ROBO1: variants seen among roughly 807,000 people sequenced by gnomAD.
ROBO1 encodes the protein roundabout homolog 1.
In ROBO1, 149 loss-of-function variants were observed where a neutral mutation model predicts 195.9. The ratio of observed to expected loss-of-function variants is 0.76; its 90% CI spans 0.67 to 0.87. The LOEUF is 0.87. ROBO1 is among the 40% of genes least tolerant of loss of function. The probability of loss-of-function intolerance (pLI) is 0.00; values close to 1 mark genes in which losing one functional copy is unlikely to be tolerated. For missense variants in ROBO1, 1,933 were observed against 2,068.3 expected (o/e 0.93, Z 1.27); for synonymous variants, 816 against 733.2 (o/e 1.11, Z -1.82).
rs2034746813 is a variant in ROBO1 at position 79,338,018 on chromosome 3, A to C, written c.89-212479T>G. Among the ~76,000 whole-genome samples the C allele has an allele frequency of 4.6e-5, 7 of 152,336 alleles. No individual in the cohort carries two copies. The South Asian group carries it at 1.4e-3, about 32-fold the overall frequency. ...TGCCAAATCAGCAAAACCTACAATA[A>C]AAATTTCATTGTAAACTATATATAA... is the stretch of plus-strand genomic sequence containing the variant. On this transcript the variant is annotated intron_variant, in intron 2 of 30. Coordinates refer to ENST00000464233, the MANE Select transcript of ROBO1 (RefSeq NM_002941.4).
At chr3:78,907,568 T>G (rs1472234614) in intron 4 of ROBO1, among the ~76,000 whole-genome samples, 2 of 152,120 alleles carry the variant, frequency 1.3e-5, no homozygotes, top group East Asian at 3.9e-4. Context: ...CTACCAACTA[T>G]ATGTGGTAGT....
intron 2 of ROBO1, among the ~76,000 whole-genome samples, chr3:79,561,123 T>G (rs1009522404): frequency 4.6e-5 from 7 of 152,170 alleles, no homozygotes; most frequent in Non-Finnish European, 8.8e-5. Flanking sequence ...TGACCTTCTT[T>G]CCATCCATTC....
In ROBO1 at chr3:79,550,195, G is replaced by GAAAGAAAGAAAGAAAGAAAGAAAGGAAA; in HGVS notation, c.88+39628_88+39629insTTTCCTTTCTTTCTTTCTTTCTTTCTTT. On this transcript the variant is annotated intron_variant, in intron 2 of 30. Coordinates refer to ENST00000464233, the MANE Select transcript of ROBO1 (RefSeq NM_002941.4). ...AGAAAGAAAGAAAGAAAGAAAGAAA[G>GAAAGAAAGAAAGAAAGAAAGAAAGGAAA]GAAAAGAAAAGAAAAGAAAAGAAAA... Among the ~76,000 whole-genome samples, 78 of 100,838 alleles carry GAAAGAAAGAAAGAAAGAAAGAAAGGAAA rather than the reference G, an allele frequency of 7.7e-4. 3 individuals are homozygous for GAAAGAAAGAAAGAAAGAAAGAAAGGAAA. Among genetic ancestry groups the GAAAGAAAGAAAGAAAGAAAGAAAGGAAA allele is most frequent in the Middle Eastern group, 5.0e-3 (1 of 200 alleles). The allele number at this position is 100,838 out of a possible 152,430, so 66.2% of individuals were successfully genotyped here. A position where few individuals can be genotyped will look rare whatever the true frequency, so the allele number is the denominator to read the frequency against.
chr3:79,355,175 C>CAAAA (rs888731398), intron 2 of ROBO1, among the ~76,000 whole-genome samples: 1 of 151,300 alleles, frequency 6.6e-6, no homozygotes, highest in Non-Finnish European at 1.5e-5. Context: ...CAAAAACAAA[C>CAAAA]AAACAAACAA....
chr3:79,389,572 CAG>C (rs921974855), intron 2 of ROBO1, among the ~76,000 whole-genome samples: 2 of 152,074 alleles, frequency 1.3e-5, no homozygotes, highest in African/African-American at 4.8e-5. Context: ...GAGAACAAAA[CAG>C]AGTTTTGCTA....
Position 78,598,703 on chromosome 3 carries a change from A to C in ROBO1, c.*210T>G, listed in dbSNP as rs1420033491. The C allele has an allele frequency of 1.5e-5, 6 of 389,478 alleles. No homozygotes were observed. The highest frequency in any genetic ancestry group is 1.5e-4 in the East Asian group (4 of 26,100). The allele number at this position is 389,478 out of a possible 1,614,324, so 24.1% of individuals were successfully genotyped here. On this transcript the variant is annotated 3_prime_UTR_variant, in exon 31 of 31. Coordinates refer to ENST00000464233, the MANE Select transcript of ROBO1 (RefSeq NM_002941.4). ...ATGGTTTGCTCCAACAGCGAGGGGAATAGGAAGGCTCTTTGTAGGGTTAGG... is the reference window on the plus strand; with the variant it reads ...ATGGTTTGCTCCAACAGCGAGGGGACTAGGAAGGCTCTTTGTAGGGTTAGG...
At chr3:79,056,030 T>C (rs1489894265) in intron 3 of ROBO1, among the ~76,000 whole-genome samples, 1 of 152,150 alleles carries the variant, frequency 6.6e-6, no homozygotes, top group Non-Finnish European at 1.5e-5. Flanking sequence ...GGGCCATTAA[T>C]GCAGTAATTA....
At chr3:78,936,831 C>T in intron 4 of ROBO1, among the ~76,000 whole-genome samples, 1 of 151,966 alleles carries the variant, frequency 6.6e-6, no homozygotes, top group East Asian at 1.9e-4. Context: ...ACTTATTTTG[C>T]ATGGGCTACA....
intron 2 of ROBO1, among the ~76,000 whole-genome samples, chr3:79,133,972 C>T (rs913341571): frequency 5.9e-5 from 9 of 151,870 alleles, no homozygotes; most frequent in African/African-American, 1.2e-4. Flanking sequence ...AGGACATAGG[C>T]GTGGGCAAGG....
chr3:78,717,832 T>C lies in ROBO1; in HGVS notation c.709A>G (p.Lys237Glu), dbSNP rs1453099666. The C allele has an allele frequency of 5.0e-6, 8 of 1,613,644 alleles. No homozygotes were observed. The highest frequency in any genetic ancestry group is 1.3e-5 in the African/African-American group (1 of 74,914). ...ATATTGGTACCAACACAAACATATT[T>C]GCCAGCGTCACTTTTACGGGTGTAA... ...ITYTRKSDAG[K>E]YVCVGTNMVG... is the part of the protein sequence containing the mutation. Residue 237 changes from lysine (K) to glutamate (E), a missense_variant, in exon 6 of 31, where the codon AAA (lysine) becomes GAA (glutamate). Coordinates refer to ENST00000464233, the MANE Select transcript of ROBO1 (RefSeq NM_002941.4).
intron 2 of ROBO1, among the ~76,000 whole-genome samples, chr3:79,488,958 T>A (rs1939303067): frequency 6.6e-6 from 1 of 152,130 alleles, no homozygotes; most frequent in Non-Finnish European, 1.5e-5. Flanking sequence ...AAGTCAGAAC[T>A]GATTCTCCCC....
chr3:78,810,634 T>C (rs921253247), intron 4 of ROBO1, among the ~76,000 whole-genome samples: 2 of 152,040 alleles, frequency 1.3e-5, no homozygotes, highest in Middle Eastern at 3.2e-3. Context: ...TTGATGTACA[T>C]TGTTGGTAAA....
chr3:79,018,588 A>G (rs2078016871), intron 3 of ROBO1: 9 of 1,498,862 alleles, frequency 6.0e-6, no homozygotes, highest in African/African-American at 2.8e-5. Flanking sequence ...CAATTAGCCA[A>G]GAGTTTTCAG....
At position 79,467,340 on chromosome 3, in the gene ROBO1, C is replaced by T. The variant is rs184060620; in HGVS notation, c.88+122484G>A. Reference sequence around the variant, plus strand: ...CCCTGGCAAAGGCCCCACCCTCAAGCCTGGAGACCCATAGCCCTAAATGAG... The same window carrying T: ...CCCTGGCAAAGGCCCCACCCTCAAGTCTGGAGACCCATAGCCCTAAATGAG... On this transcript the variant is annotated intron_variant, in intron 2 of 30. Transcript: ENST00000464233. 3.7e-3 allele frequency among the ~76,000 whole-genome samples: 563 copies of T among 151,990 alleles called. 2 individuals are homozygous for T. Among genetic ancestry groups the T allele is most frequent in the Non-Finnish European group, 6.6e-3 (452 of 67,976 alleles).
At chr3:79,394,215 G>T (rs2037057085) in intron 2 of ROBO1, among the ~76,000 whole-genome samples, 1 of 152,080 alleles carries the variant, frequency 6.6e-6, no homozygotes, top group Admixed American at 6.6e-5. Context: ...TAGTTTGTAT[G>T]TGAGGAGAAG....
At chr3:79,234,876 C>T (rs532093842) in intron 2 of ROBO1, among the ~76,000 whole-genome samples, 6 of 152,178 alleles carry the variant, frequency 3.9e-5, no homozygotes, top group African/African-American at 7.2e-5. Flanking sequence ...GGGTACTATG[C>T]TCATTACCTG....
At chr3:79,346,382 T>G (rs1452680991) in intron 2 of ROBO1, among the ~76,000 whole-genome samples, 2 of 152,162 alleles carry the variant, frequency 1.3e-5, no homozygotes, top group Admixed American at 6.6e-5. Context: ...GTGGAATGAA[T>G]GAAAGTATGT....
At chr3:78,734,145 G>C (rs1020209140) in intron 5 of ROBO1, among the ~76,000 whole-genome samples, 8 of 152,136 alleles carry the variant, frequency 5.3e-5, no homozygotes, top group Admixed American at 5.2e-4. Context: ...CTAGCAGCAT[G>C]CAACCATATC....
chr3:78,856,022 T>C (rs1411625868), intron 4 of ROBO1, among the ~76,000 whole-genome samples: 1 of 152,006 alleles, frequency 6.6e-6, no homozygotes, highest in African/African-American at 2.4e-5. Flanking sequence ...CAAGGGAATA[T>C]TCAGAAATGA....
Sources: gnomAD v4.1 joint callset for allele counts (sites outside exome capture counted in the v4.1 genomes callset) on GRCh38, gnomAD v4.1.1 for gene constraint, MANE v1.5 for transcripts, NCBI Gene and HGNC (gene_info 2026-07-23, HGNC 2026-07-21) for gene names.